LETM1: variants seen among roughly 807,000 people sequenced by gnomAD.
The protein encoded by LETM1 is leucine zipper and EF-hand containing transmembrane protein 1.
LETM1 carries 50 observed loss-of-function variants against 74.5 expected under a neutral mutation model. The observed-to-expected ratio is 0.67, with a 90% CI of 0.53 to 0.85. LETM1 has a LOEUF of 0.85. Among genes scored for constraint, LETM1 ranks in the 40% least tolerant of loss-of-function variants. LETM1 has a pLI of 0.00. For synonymous variants in LETM1, 446 were observed against 407.1 expected (o/e 1.10, Z -1.15); for missense variants, 824 against 967.8 (o/e 0.85, Z 1.97).
At chr4:1,833,339 T>C in intron 5 of LETM1, 1 of 265,180 alleles carries the variant, frequency 3.8e-6, no homozygotes, top group South Asian at 4.4e-5. Context: ...AACCACTGAC[T>C]TCTGACTCCG....
chr4:1,819,888 T>C (rs918951165), intron 10 of LETM1, among the ~76,000 whole-genome samples: 9 of 152,228 alleles, frequency 5.9e-5, no homozygotes, highest in African/African-American at 2.2e-4. Context: ...ACTCTTTTTG[T>C]CTGACTTCTC....
intron 6 of LETM1, among the ~76,000 whole-genome samples, chr4:1,827,051 G>A (rs1458979506): frequency 6.6e-6 from 1 of 152,188 alleles, no homozygotes; most frequent in Non-Finnish European, 1.5e-5. Context: ...CGCAGGGAGA[G>A]GGCAGCTCGC....
intron 1 of LETM1, among the ~76,000 whole-genome samples, chr4:1,855,163 C>T (rs1448147956): frequency 3.3e-5 from 5 of 152,152 alleles, no homozygotes; most frequent in Non-Finnish European, 5.9e-5. Context: ...AATTATTTTA[C>T]TTGAGTCCCT....
At chr4:1,823,521 G>T (rs1383336724) in intron 8 of LETM1, 123 bp downstream of exon 8, 4 of 1,221,954 alleles carry the variant, frequency 3.3e-6, no homozygotes, top group Admixed American at 1.9e-5. Context: ...CTCGCGAGGG[G>T]GTGGGAGGCA....
intron 1 of LETM1, among the ~76,000 whole-genome samples, chr4:1,852,454 A>G (rs146805543): frequency 6.6e-6 from 1 of 152,288 alleles, no homozygotes; most frequent in East Asian, 1.9e-4. Flanking sequence ...ATGACTGATT[A>G]CAGTATTGGC....
At chr4:1,828,893 G>A (rs1217967050) in intron 6 of LETM1, among the ~76,000 whole-genome samples, 2 of 110,116 alleles carry the variant, frequency 1.8e-5, no homozygotes, top group Non-Finnish European at 3.8e-5. Context: ...CGGACGGGGC[G>A]GCTGGCCGGG....
At chr4:1,854,121 GT>G (rs1201537528) in intron 1 of LETM1, among the ~76,000 whole-genome samples, 2 of 152,150 alleles carry the variant, frequency 1.3e-5, no homozygotes, top group Admixed American at 1.3e-4. Context: ...AGACTGTGCA[GT>G]TCCACCACTC....
intron 6 of LETM1, among the ~76,000 whole-genome samples, chr4:1,828,043 G>T (rs1712068649): frequency 7.0e-6 from 1 of 142,826 alleles, no homozygotes; most frequent in Non-Finnish European, 1.5e-5. Flanking sequence ...CCGGGCAGGG[G>T]GGCTGACCCC....
chr4:1,832,524 C>T (rs1712312481), intron 6 of LETM1, among the ~76,000 whole-genome samples: 2 of 152,106 alleles, frequency 1.3e-5, no homozygotes, highest in Non-Finnish European at 2.9e-5. Context: ...TATTATAAAT[C>T]TGACGAAATC....
chr4:1,845,103 T>C (rs529662030), intron 2 of LETM1, among the ~76,000 whole-genome samples: 133 of 151,420 alleles, frequency 8.8e-4, no homozygotes, highest in African/African-American at 3.2e-3. Context: ...GGCAGGAGAA[T>C]TGCTTGAACT....
chr4:1,836,329 G>T lies in LETM1; in HGVS notation c.738+100C>A. The stretch of plus-strand genomic sequence containing the variant: ...CAAGGACAATATGAAGATACATAAA[G>T]TCTCAAAAATATCTAGCACCTGAAA... On this transcript the variant is annotated intron_variant, in intron 4 of 13. Coordinates refer to ENST00000302787, the MANE Select transcript of LETM1 (RefSeq NM_012318.3). The surrounding 1 kb of genome is among the most constrained non-coding windows in gnomAD (Gnocchi z 5.8). 8.6e-7 allele frequency: 1 copy of T among 1,166,778 alleles called. No homozygotes were observed. The highest frequency in any genetic ancestry group is 1.3e-6 in the Non-Finnish European group (1 of 790,960). 72.3% of individuals were successfully genotyped at this position (1,166,778 alleles called of 1,614,324 possible).
At chr4:1,825,016 G>A (rs997642965) in intron 7 of LETM1, among the ~76,000 whole-genome samples, 1 of 152,276 alleles carries the variant, frequency 6.6e-6, no homozygotes, top group Non-Finnish European at 1.5e-5. Flanking sequence ...GGCACCGGGA[G>A]GAAACCGGCT....
At chr4:1,824,196 C>T (rs1474271232) in intron 7 of LETM1, among the ~76,000 whole-genome samples, 2 of 152,220 alleles carry the variant, frequency 1.3e-5, no homozygotes, top group Non-Finnish European at 2.9e-5. Context: ...TGGTGTGCAC[C>T]TGTAGTCCCA....
chr4:1,846,185 G>A (rs148659508), intron 2 of LETM1, among the ~76,000 whole-genome samples: 1,676 of 152,076 alleles, frequency 0.011, 30 homozygotes, highest in Admixed American at 0.056. Context: ...AAGTAGACAA[G>A]TCCATCAAAA....
At chr4:1,828,089 CAG>C (rs1712073020) in intron 6 of LETM1, among the ~76,000 whole-genome samples, 5 of 122,032 alleles carry the variant, frequency 4.1e-5, no homozygotes, top group East Asian at 2.6e-4. Context: ...GCTGGCCGGG[CAG>C]GGGGGCTGAC....
At chr4:1,825,807 C>G (rs913878700) in intron 6 of LETM1, 124 bp from the exon 7 acceptor site, 2 of 1,129,952 alleles carry the variant, frequency 1.8e-6, no homozygotes, top group African/African-American at 3.1e-5. Context: ...CCACGGCCAC[C>G]AAAGCCCAGT....
chr4:1,839,050 C>T (rs934139094), intron 3 of LETM1, among the ~76,000 whole-genome samples: 5 of 152,134 alleles, frequency 3.3e-5, no homozygotes, highest in African/African-American at 1.2e-4. Flanking sequence ...CTGCATTAAA[C>T]AAGATTACTT....
At chr4:1,853,265 G>C (rs1299199342) in intron 1 of LETM1, among the ~76,000 whole-genome samples, 2 of 152,196 alleles carry the variant, frequency 1.3e-5, no homozygotes, top group Non-Finnish European at 2.9e-5. Context: ...CACAGCCCTT[G>C]GAGTCAGCCC....
At chr4:1,840,841 T>C (rs1166065055) in intron 3 of LETM1, among the ~76,000 whole-genome samples, 1 of 152,112 alleles carries the variant, frequency 6.6e-6, no homozygotes, top group African/African-American at 2.4e-5. Flanking sequence ...GATCTGATGT[T>C]ATCTCTGGGT....
Sources: gnomAD v4.1 joint callset for allele counts (sites outside exome capture counted in the v4.1 genomes callset) on GRCh38, gnomAD v4.1.1 for gene constraint, Gnocchi (gnomAD v3.1) non-coding constraint, MANE v1.5 for transcripts, NCBI Gene and HGNC (gene_info 2026-07-23, HGNC 2026-07-21) for gene names.